GPHN: variants seen among roughly 807,000 people sequenced by gnomAD.
GPHN encodes gephyrin.
GPHN carries 17 observed loss-of-function variants against 95.5 expected under a neutral mutation model. The ratio of observed to expected loss-of-function variants is 0.18; its 90% CI spans 0.12 to 0.27. The LOEUF (loss-of-function observed/expected upper bound fraction) is 0.27. Among genes scored for constraint, GPHN ranks in the 10% least tolerant of loss-of-function variants. The probability of loss-of-function intolerance (pLI) is 1.00; values close to 1 mark genes in which losing one functional copy is unlikely to be tolerated. For synonymous variants in GPHN, 320 were observed against 322.5 expected (o/e 0.99, Z 0.08); for missense variants, 660 against 978.1 (o/e 0.67, Z 4.34).
chr14:66,683,350 A>T (rs76942869), intron 2 of GPHN, among the ~76,000 whole-genome samples: 3 of 24,502 alleles, frequency 1.2e-4, no homozygotes, highest in South Asian at 1.7e-3. Flanking sequence ...ATATATATAT[A>T]TATATATATA....
chr14:67,458,320 C>T, the GPHN span, among the ~76,000 whole-genome samples: 2 of 152,086 alleles, frequency 1.3e-5, no homozygotes, highest in Non-Finnish European at 2.9e-5. Context: ...GGTACAGTGT[C>T]CTTTATGGAC....
chr14:66,794,654 C>G (rs1349165000), intron 3 of GPHN, among the ~76,000 whole-genome samples: 1 of 152,078 alleles, frequency 6.6e-6, no homozygotes, highest in Non-Finnish European at 1.5e-5. Context: ...GTGCTTAATA[C>G]TTTTTCTTTG....
At chr14:66,871,107 C>G (rs1033018157) in intron 4 of GPHN, among the ~76,000 whole-genome samples, 1 of 152,136 alleles carries the variant, frequency 6.6e-6, no homozygotes, top group Non-Finnish European at 1.5e-5. Flanking sequence ...TTTTCATGTG[C>G]TGGGTGACAG....
chr14:67,460,340 T>C, the GPHN span, among the ~76,000 whole-genome samples: 1 of 152,186 alleles, frequency 6.6e-6, no homozygotes, highest in Admixed American at 6.5e-5. Context: ...TATCCTCAGT[T>C]TGTTATCTGT....
intron 1 of GPHN, among the ~76,000 whole-genome samples, chr14:66,622,911 A>G (rs1017536701): frequency 6.6e-6 from 1 of 152,064 alleles, no homozygotes; most frequent in African/African-American, 2.4e-5. Flanking sequence ...AACTGTCCCA[A>G]TCTCTGCCTG....
At chr14:67,064,581 T>C (rs2075967801) in intron 11 of GPHN, among the ~76,000 whole-genome samples, 1 of 152,244 alleles carries the variant, frequency 6.6e-6, no homozygotes, top group South Asian at 2.1e-4. Flanking sequence ...TTTTGGTTGG[T>C]AGGCTATTAA....
At chr14:67,460,316 C>A in the GPHN span, among the ~76,000 whole-genome samples, 1 of 152,272 alleles carries the variant, frequency 6.6e-6, no homozygotes, top group East Asian at 1.9e-4. Flanking sequence ...TGGCCTTGAA[C>A]AACCTACTCT....
chr14:66,900,464 A>G (rs1204468676), intron 5 of GPHN, among the ~76,000 whole-genome samples: 1 of 149,730 alleles, frequency 6.7e-6, no homozygotes, highest in African/African-American at 2.5e-5. Context: ...TTTTTTTTTA[A>G]TCTATCTAAC....
chr14:67,574,518 G>A, the GPHN span: 1 of 835,466 alleles, frequency 1.2e-6, no homozygotes, highest in Non-Finnish European at 1.7e-6. The surrounding 1 kb of genome is among the most constrained non-coding windows in gnomAD (Gnocchi z 4.2). Flanking sequence ...TTCTCTGGGA[G>A]CCTCCTCACA....
At chr14:66,520,716 CTTTTA>C (rs1313395469) in intron 1 of GPHN, among the ~76,000 whole-genome samples, 3 of 149,106 alleles carry the variant, frequency 2.0e-5, no homozygotes, top group African/African-American at 5.0e-5. Flanking sequence ...TTTTTTTAAA[CTTTTA>C]TTTTAGTTTC....
the GPHN span, chr14:67,584,185 G>A: frequency 1.4e-4 from 221 of 1,563,928 alleles, 1 homozygote; most frequent in African/African-American, 2.8e-3. Context: ...GCTCATGTTT[G>A]AGCCATACCA....
At chr14:67,312,538 A>G in the GPHN span, 8 of 1,580,728 alleles carry the variant, frequency 5.1e-6, no homozygotes, top group Non-Finnish European at 4.3e-6. Flanking sequence ...TCCATGTAAA[A>G]GCTCATTTTG....
chr14:66,546,180 G>A (rs1194100250), intron 1 of GPHN, among the ~76,000 whole-genome samples: 4 of 151,860 alleles, frequency 2.6e-5, no homozygotes, highest in Admixed American at 6.5e-5. Flanking sequence ...GATGGCGGCC[G>A]GGAAGAGGCG....
intron 3 of GPHN, among the ~76,000 whole-genome samples, chr14:66,784,742 A>G (rs986723960): frequency 1.3e-5 from 2 of 152,188 alleles, no homozygotes; most frequent in African/African-American, 4.8e-5. Flanking sequence ...TATACTCAAA[A>G]CGCTATGAAT....
chr14:67,266,230 C>T, the GPHN span, among the ~76,000 whole-genome samples: 23,560 of 152,108 alleles, frequency 0.15, 3,440 homozygotes, highest in East Asian at 0.42. Context: ...TGTAAGAACT[C>T]GTTTTTTAGT....
At chr14:67,557,506 C>T in the GPHN span, 1 of 1,287,248 alleles carries the variant, frequency 7.8e-7, no homozygotes, top group South Asian at 1.4e-5. Flanking sequence ...CGCTCAAGCC[C>T]TCTAGTGCTG....
intron 10 of GPHN, among the ~76,000 whole-genome samples, chr14:67,033,462 G>T (rs991675841): frequency 6.6e-5 from 10 of 152,000 alleles, no homozygotes; most frequent in African/African-American, 2.4e-4. Flanking sequence ...TACTCAGGAG[G>T]CTGAGGCAAA....
chr14:66,745,876 CCTGCCTATCACAGAT>C lies in GPHN; in HGVS notation c.144-30584_144-30570del, dbSNP rs1467733856. Among the ~76,000 whole-genome samples the C allele has an allele frequency of 2.0e-5, 3 of 151,772 alleles. No individual in the cohort carries two copies. The East Asian group carries it at 5.8e-4, about 29-fold the overall frequency. ...CTTAATAGTCACATCATCACTCTAC[CCTGCCTATCACAGAT>C]CTGTTTTACATCACTATAGTTTGTG... On this transcript the variant is annotated intron_variant, in intron 2 of 22. Transcript: ENST00000478722.
rs558846619 is a variant in GPHN at position 66,633,450 on chromosome 14, T to A, written c.65-47657T>A. Among the ~76,000 whole-genome samples, 24 of 152,310 alleles carry A rather than the reference T, an allele frequency of 1.6e-4. No individual in the cohort carries two copies. In the East Asian group the frequency reaches 4.6e-3, roughly 29 times the overall value. On this transcript the variant is annotated intron_variant, in intron 1 of 22. Transcript: ENST00000478722. ...ATATAAATGGAATTTTGCATTTTAC[T>A]GTATACTCTTTCTGTTTGGCTTCAT...
Sources: gnomAD v4.1 joint callset for allele counts (sites outside exome capture counted in the v4.1 genomes callset) on GRCh38, gnomAD v4.1.1 for gene constraint, Gnocchi (gnomAD v3.1) non-coding constraint, MANE v1.5 for transcripts, NCBI Gene and HGNC (gene_info 2026-07-23, HGNC 2026-07-21) for gene names.